Variants in CHSY3 observed in about 807,000 individuals in gnomAD.
CHSY3 encodes the protein chondroitin sulfate synthase 3.
Under a neutral mutation model 67.2 loss-of-function variants are expected in CHSY3, and 35 were observed. The ratio of observed to expected loss-of-function variants is 0.52; its 90% CI spans 0.40 to 0.69. The LOEUF (loss-of-function observed/expected upper bound fraction) is 0.69. Among genes scored for constraint, CHSY3 ranks in the 30% least tolerant of loss-of-function variants. The pLI is 0.00. For synonymous variants in CHSY3, 474 were observed against 434.7 expected (o/e 1.09, Z -1.12); for missense variants, 1,069 against 1,138.5 (o/e 0.94, Z 0.88).
At chr5:130,008,057 C>T (rs1763926584) in intron 2 of CHSY3, among the ~76,000 whole-genome samples, 1 of 152,196 alleles carries the variant, frequency 6.6e-6, no homozygotes, top group Non-Finnish European at 1.5e-5. Context: ...AGCATGCGTT[C>T]ATCTGCAGCA....
intron 2 of CHSY3, among the ~76,000 whole-genome samples, chr5:130,119,203 A>G (rs1201179512): frequency 2.6e-5 from 4 of 152,188 alleles, no homozygotes; most frequent in Non-Finnish European, 5.9e-5. Context: ...GAAAGTAGAT[A>G]TCCAGAACTC....
Position 130,184,690 on chromosome 5 carries a change from C to T in CHSY3, c.1548C>T (p.Leu516=), listed in dbSNP as rs551171510. The T allele has an allele frequency of 3.9e-5, 62 of 1,609,050 alleles. 1 individual carries two copies. The South Asian group carries it at 6.4e-4, about 17-fold the overall frequency. ...INENAKSRGR[L]IDFKEIQYGY... ...AGAATGCCAAGAGCAGAGGACGGCT[C>T]ATTGACTTCAAGGAAATTCAGTATG... Residue 516 remains leucine, a synonymous_variant, in exon 3 of 3, where the codon CTC becomes CTT. Transcript: ENST00000305031.
rs573999852 is a variant in CHSY3 at position 129,956,305 on chromosome 5, C to T, written c.1086+47945C>T. Among the ~76,000 whole-genome samples the T allele has an allele frequency of 7.9e-5, 12 of 151,864 alleles. 1 individual carries two copies. In the South Asian group the frequency reaches 1.9e-3, roughly 24 times the overall value. On this transcript the variant is annotated intron_variant, in intron 2 of 2. Transcript: ENST00000305031. ...TTTGATTTTCATTTCTCTAACAATCCGTGATGTTGAGCTTTTTTTCATATG... is the reference window on the plus strand; with the variant it reads ...TTTGATTTTCATTTCTCTAACAATCTGTGATGTTGAGCTTTTTTTCATATG...
chr5:130,179,252 A>G (rs898121124), intron 2 of CHSY3, among the ~76,000 whole-genome samples: 1 of 152,206 alleles, frequency 6.6e-6, no homozygotes, highest in Non-Finnish European at 1.5e-5. Flanking sequence ...ACGCAGTAAG[A>G]CCATTTAATA....
chr5:130,167,210 G>A (rs1769773234), intron 2 of CHSY3, among the ~76,000 whole-genome samples: 1 of 152,010 alleles, frequency 6.6e-6, no homozygotes, highest in Non-Finnish European at 1.5e-5. Context: ...AAGTGCTGGG[G>A]TGAGCCAGTG....
At chr5:130,001,599 A>T (rs1763729293) in intron 2 of CHSY3, 1 of 849,758 alleles carries the variant, frequency 1.2e-6, no homozygotes, top group Non-Finnish European at 1.4e-6. Context: ...CTACATGAGC[A>T]TTCTGTGAGA....
At position 130,124,541 on chromosome 5, in the gene CHSY3, C is replaced by CACCT. The variant is rs546365086; in HGVS notation, c.1087-59687_1087-59684dup. On this transcript the variant is annotated intron_variant, in intron 2 of 2. Coordinates refer to ENST00000305031, the MANE Select transcript of CHSY3 (RefSeq NM_175856.5). Reference sequence around the variant, plus strand: ...CGTGATCTCAGCTCACTGCAACCTCCACCTCCTCAGTTCAAGCAATTCTCC... The same window carrying CACCT: ...CGTGATCTCAGCTCACTGCAACCTCCACCTACCTCCTCAGTTCAAGCAATTCTCC... Among the ~76,000 whole-genome samples the CACCT allele has an allele frequency of 2.0e-3, 304 of 152,070 alleles. 1 individual carries two copies. The highest frequency in any genetic ancestry group is 6.8e-3 in the African/African-American group (280 of 41,472).
intron 2 of CHSY3, among the ~76,000 whole-genome samples, chr5:129,911,592 C>T (rs1342607072): frequency 6.6e-6 from 1 of 152,134 alleles, no homozygotes; most frequent in Non-Finnish European, 1.5e-5. Flanking sequence ...TATTATACAA[C>T]ATGGATTCAT....
intron 2 of CHSY3, among the ~76,000 whole-genome samples, chr5:130,117,525 T>A (rs187006232): frequency 6.6e-6 from 1 of 152,364 alleles, no homozygotes; most frequent in Non-Finnish European, 1.5e-5. Flanking sequence ...AGTTACACCA[T>A]GTCTACTTTC....
At chr5:130,163,448 A>T (rs1769621039) in intron 2 of CHSY3, among the ~76,000 whole-genome samples, 1 of 152,114 alleles carries the variant, frequency 6.6e-6, no homozygotes, top group Admixed American at 6.6e-5. Flanking sequence ...AGACCCATGG[A>T]ATTCACTCCC....
At chr5:130,162,053 A>AGAAAG (rs577228094) in intron 2 of CHSY3, among the ~76,000 whole-genome samples, 1 of 122,122 alleles carries the variant, frequency 8.2e-6, no homozygotes, top group South Asian at 2.6e-4. Flanking sequence ...AAAAAAAAAA[A>AGAAAG]AAAAAAAGAA....
intron 2 of CHSY3, among the ~76,000 whole-genome samples, chr5:129,992,430 T>C (rs141992132): frequency 5.9e-5 from 9 of 152,334 alleles, no homozygotes; most frequent in African/African-American, 1.9e-4. Context: ...TACTGAATTA[T>C]TGCTCTTTTT....
chr5:130,018,421 T>G (rs1019627866), intron 2 of CHSY3, among the ~76,000 whole-genome samples: 3 of 152,178 alleles, frequency 2.0e-5, no homozygotes, highest in African/African-American at 7.2e-5. Flanking sequence ...TTTAACGCAC[T>G]TCATGAATAA....
intron 2 of CHSY3, among the ~76,000 whole-genome samples, chr5:130,092,117 C>T (rs1766900812): frequency 6.6e-6 from 1 of 152,154 alleles, no homozygotes; most frequent in Non-Finnish European, 1.5e-5. Context: ...TCCCTCTTGC[C>T]CTCTGTTGCT....
At chr5:129,953,572 T>C (rs1210916028) in intron 2 of CHSY3, among the ~76,000 whole-genome samples, 2 of 152,198 alleles carry the variant, frequency 1.3e-5, no homozygotes, top group South Asian at 2.1e-4. Context: ...TCCACAATGG[T>C]TGAACTAATT....
At chr5:129,958,728 G>T (rs1762248453) in intron 2 of CHSY3, among the ~76,000 whole-genome samples, 1 of 152,008 alleles carries the variant, frequency 6.6e-6, no homozygotes, top group African/African-American at 2.4e-5. Context: ...TCCAGGTGGG[G>T]TCTCACTTGC....
At chr5:130,181,530 A>G (rs1229241113) in intron 2 of CHSY3, among the ~76,000 whole-genome samples, 1 of 152,130 alleles carries the variant, frequency 6.6e-6, no homozygotes, top group Non-Finnish European at 1.5e-5. Flanking sequence ...AGCATATCTA[A>G]TTCTATGTGC....
At chr5:129,950,186 A>G (rs958479943) in intron 2 of CHSY3, among the ~76,000 whole-genome samples, 2 of 149,358 alleles carry the variant, frequency 1.3e-5, no homozygotes, top group African/African-American at 5.0e-5. Flanking sequence ...AAAAAAAATC[A>G]TATGATGAAT....
chr5:130,176,369 T>G (rs1770050594), intron 2 of CHSY3, among the ~76,000 whole-genome samples: 1 of 152,132 alleles, frequency 6.6e-6, no homozygotes, highest in African/African-American at 2.4e-5. Context: ...CTGGAGAGGA[T>G]GTGGAGAAAT....
Sources: gnomAD v4.1 joint callset for allele counts (sites outside exome capture counted in the v4.1 genomes callset) on GRCh38, gnomAD v4.1.1 for gene constraint, MANE v1.5 for transcripts, NCBI Gene and HGNC (gene_info 2026-07-23, HGNC 2026-07-21) for gene names.